Variants in KAZN observed in about 807,000 individuals in gnomAD.
KAZN encodes kazrin.
In KAZN, 40 loss-of-function variants were observed where a neutral mutation model predicts 87.4. The ratio of observed to expected loss-of-function variants is 0.46; its 90% confidence interval spans 0.36 to 0.60. KAZN has a LOEUF of 0.60. KAZN is among the 20% of genes least tolerant of loss of function. The pLI is 0.00. For missense variants in KAZN, 898 were observed against 1,073.9 expected, an observed-to-expected ratio of 0.84 and a Z score of 2.29; for synonymous variants, 466 against 458.3, an observed-to-expected ratio of 1.02 and a Z score of -0.22.
intron 2 of KAZN, among the ~76,000 whole-genome samples, chr1:14,961,182 GTC>G (rs1663816868): frequency 6.6e-6 from 1 of 152,230 alleles, no homozygotes; most frequent in African/African-American, 2.4e-5. Flanking sequence ...CAGCAGCCGA[GTC>G]TCTCTTACCC....
At chr1:15,113,878 T>C (rs915322433) in intron 14 of KAZN, 1 of 152,290 alleles carries the variant, frequency 6.6e-6, no homozygotes, top group Non-Finnish European at 1.5e-5. Context: ...GGTGGGACTT[T>C]ACTTTTTACA....
At chr1:14,099,509 C>T (rs76489512) in intron 1 of KAZN, among the ~76,000 whole-genome samples, 1 of 152,072 alleles carries the variant, frequency 6.6e-6, no homozygotes, top group Non-Finnish European at 1.5e-5. Flanking sequence ...AGACGAAAGC[C>T]TGCCTGCTAC....
chr1:14,615,400 G>A (rs560923230), intron 1 of KAZN, among the ~76,000 whole-genome samples: 4 of 152,290 alleles, frequency 2.6e-5, no homozygotes, highest in African/African-American at 9.6e-5. Context: ...GGCCAAGGCG[G>A]GCAGATTATT....
At chr1:14,945,555 CCCGGCTGGCTCCCCGG>C (rs1661662344) in intron 1 of KAZN, among the ~76,000 whole-genome samples, 1 of 152,180 alleles carries the variant, frequency 6.6e-6, no homozygotes, top group South Asian at 2.1e-4. Flanking sequence ...CTCCCCCCAC[CCCGGCTGGCTCCCCGG>C]CCCGGCTCCA....
intron 1 of KAZN, among the ~76,000 whole-genome samples, chr1:13,895,622 C>G (rs375102547): frequency 1.3e-5 from 2 of 152,062 alleles, no homozygotes; most frequent in African/African-American, 4.8e-5. Context: ...GAGACCAACA[C>G]TGATACGTCT....
intron 2 of KAZN, among the ~76,000 whole-genome samples, chr1:15,025,696 C>A (rs1394633666): frequency 6.6e-6 from 1 of 152,196 alleles, no homozygotes; most frequent in South Asian, 2.1e-4. Context: ...GAGAGAGAGT[C>A]TATGGGTCAT....
chr1:14,436,178 G>A (rs534158932), intron 2 of KAZN, among the ~76,000 whole-genome samples: 7 of 152,114 alleles, frequency 4.6e-5, no homozygotes, highest in East Asian at 3.9e-4. Context: ...GCAGTGAGCC[G>A]AGATCGCGCC....
intron 10 of KAZN, among the ~76,000 whole-genome samples, chr1:15,100,380 G>A (rs184116324): frequency 8.3e-4 from 127 of 152,304 alleles, no homozygotes; most frequent in African/African-American, 2.8e-3. Flanking sequence ...CAGGAGCAGG[G>A]TGGAGTGGCT....
chr1:14,470,122 G>C (rs1034568353), intron 2 of KAZN, among the ~76,000 whole-genome samples: 1 of 152,310 alleles, frequency 6.6e-6, no homozygotes, highest in Admixed American at 6.5e-5. Flanking sequence ...CAATGCGCTT[G>C]AGAAATGTCC....
intron 2 of KAZN, among the ~76,000 whole-genome samples, chr1:14,556,668 T>C (rs568360379): frequency 6.6e-6 from 1 of 152,280 alleles, no homozygotes; most frequent in East Asian, 1.9e-4. Flanking sequence ...CAAGTAACCA[T>C]TCATGCAAGA....
chr1:14,922,590 G>A (rs529138160), intron 1 of KAZN, among the ~76,000 whole-genome samples: 4 of 152,112 alleles, frequency 2.6e-5, no homozygotes, highest in South Asian at 4.2e-4. Context: ...TCAGGAGTTC[G>A]AGACCAGCCT....
chr1:14,543,148 C>A (rs950038402), intron 2 of KAZN, among the ~76,000 whole-genome samples: 1 of 152,104 alleles, frequency 6.6e-6, no homozygotes, highest in African/African-American at 2.4e-5. Flanking sequence ...GGCTATATGA[C>A]CTGTGTCATA....
chr1:14,266,978 C>T (rs1651528349), intron 2 of KAZN, among the ~76,000 whole-genome samples: 1 of 151,624 alleles, frequency 6.6e-6, no homozygotes, highest in African/African-American at 2.4e-5. Flanking sequence ...TGTTGGTGTG[C>T]TGCACCCATT....
In KAZN at chr1:14,917,055, A is replaced by G. The variant is rs77857420; in HGVS notation, c.227-43629A>G. 5.9e-3 allele frequency among the ~76,000 whole-genome samples: 897 copies of G among 152,274 alleles called. 11 individuals carry two copies. The highest frequency in any genetic ancestry group is 0.021 in the African/African-American group (866 of 41,568). On this transcript the variant is annotated intron_variant, in intron 1 of 14. Transcript: ENST00000376030. ...GACTGGGCTAAGCTCTGCCTCTAGGAGAAGCCCTTTGCAAGGCCCTGGAGG... is the reference window on the plus strand; with the variant it reads ...GACTGGGCTAAGCTCTGCCTCTAGGGGAAGCCCTTTGCAAGGCCCTGGAGG...
At chr1:14,419,449 T>C (rs181428787) in intron 2 of KAZN, among the ~76,000 whole-genome samples, 1 of 152,314 alleles carries the variant, frequency 6.6e-6, no homozygotes, top group East Asian at 1.9e-4. Context: ...GCCTGTGCTC[T>C]GTCCAAGCCA....
At chr1:14,786,168 C>A (rs535937912) in intron 1 of KAZN, among the ~76,000 whole-genome samples, 1 of 152,338 alleles carries the variant, frequency 6.6e-6, no homozygotes, top group East Asian at 1.9e-4. Context: ...TCTTACATAG[C>A]ATGACTCTCC....
chr1:14,084,645 A>T (rs1010606716), intron 1 of KAZN, among the ~76,000 whole-genome samples: 5 of 149,758 alleles, frequency 3.3e-5, no homozygotes, highest in Non-Finnish European at 7.4e-5. Context: ...CTGTAACTTT[A>T]AAAAAAAAGT....
chr1:13,924,588 T>C (rs1324440873), intron 1 of KAZN, among the ~76,000 whole-genome samples: 1 of 152,198 alleles, frequency 6.6e-6, no homozygotes, highest in African/African-American at 2.4e-5. Context: ...CTGAGATAAA[T>C]GCATATCTGA....
At chr1:15,064,452 A>G (rs1209424748) in intron 7 of KAZN, among the ~76,000 whole-genome samples, 2 of 152,180 alleles carry the variant, frequency 1.3e-5, no homozygotes, top group Non-Finnish European at 2.9e-5. Flanking sequence ...ATGCCACCAC[A>G]TGTCTTTGTA....
Sources: allele counts gnomAD v4.1 joint callset (sites outside exome capture counted in the v4.1 genomes callset), GRCh38; gene constraint gnomAD v4.1.1; transcripts MANE v1.5; gene names NCBI Gene and HGNC (gene_info 2026-07-23, HGNC 2026-07-21).